The following DLEC1 variants were observed in gnomAD, a reference collection of about 807,000 sequenced individuals.
The protein encoded by DLEC1 is DLEC1 cilia and flagella associated protein, also known as deleted in lung and esophageal cancer protein 1.
DLEC1 carries 146 observed loss-of-function variants against 198.1 expected under a neutral mutation model. The observed-to-expected ratio is 0.74, with a 90% CI of 0.64 to 0.85. The LOEUF (loss-of-function observed/expected upper bound fraction) is 0.85, where lower values mean the gene tolerates loss of function less well. Among genes scored for constraint, DLEC1 ranks in the 40% least tolerant of loss-of-function variants. DLEC1 has a pLI of 0.00. For missense variants in DLEC1, 2,233 were observed against 2,220.0 expected, an observed-to-expected ratio of 1.01 and a Z score of -0.12; for synonymous variants, 897 against 866.8, an observed-to-expected ratio of 1.03 and a Z score of -0.61.
intron 6 of DLEC1, among the ~76,000 whole-genome samples, chr3:38,069,481 G>T (rs1215260065): frequency 6.6e-6 from 1 of 151,824 alleles, no homozygotes; most frequent in Non-Finnish European, 1.5e-5. Flanking sequence ...AAACCAAACA[G>T]TAAGGAACAA....
rs1233469170 is a variant in DLEC1 at position 38,089,087 on chromosome 3, C to T, written c.1665+699C>T. 3.3e-5 allele frequency among the ~76,000 whole-genome samples: 5 copies of T among 152,254 alleles called. No homozygotes were observed. The South Asian group carries it at 1.0e-3, about 31-fold the overall frequency. On this transcript the variant is annotated intron_variant, in intron 10 of 36. Coordinates refer to ENST00000308059, the MANE Select transcript of DLEC1 (RefSeq NM_007335.4). ...GCTGCTACAGACATGCTTGGCCTTT[C>T]ACACTAGCCTGCCGAGGGAGGCCCC...
chr3:38,071,219 C>A (rs1028144088), intron 6 of DLEC1, among the ~76,000 whole-genome samples: 8 of 151,910 alleles, frequency 5.3e-5, no homozygotes, highest in African/African-American at 1.9e-4. Context: ...AGAAACTAAA[C>A]GGAAGATACA....
In DLEC1 at chr3:38,065,309, G is replaced by T. The variant is rs531386078; in HGVS notation, c.1173+1390G>T. Among the ~76,000 whole-genome samples, 307 of 152,182 alleles carry T rather than the reference G, an allele frequency of 2.0e-3. 2 individuals are homozygous for T. The highest frequency in any genetic ancestry group is 6.8e-3 in the Middle Eastern group (2 of 294). ...GGCAGTACAGTCCAGCCTCCGCTCG[G>T]CATCAGAGGGAGACCGTGCAGAGGG... On this transcript the variant is annotated intron_variant, in intron 6 of 36. Transcript: ENST00000308059.
chr3:38,114,980 CAGGTTCGGCACCCAGGTCTCCGG>C lies in DLEC1; in HGVS notation c.3787_3809del (p.Phe1263ArgfsTer11), dbSNP rs1210127064. ...GTACTGAGTCCAGTCTGTCCCCCTC[CAGGTTCGGCACCCAGGTCTCCGG>C]AGGAGACACAGTTACCCGAACCCTT... On this transcript the variant is annotated splice_acceptor_variant and coding_sequence_variant, in exon 27 of 37. Coordinates refer to ENST00000308059, the MANE Select transcript of DLEC1 (RefSeq NM_007335.4). LOFTEE classifies it high-confidence loss of function. 1 of 1,613,220 alleles carries C rather than the reference CAGGTTCGGCACCCAGGTCTCCGG, an allele frequency of 6.2e-7. No homozygotes were observed. Among genetic ancestry groups the C allele is most frequent in the Admixed American group, 1.7e-5 (1 of 59,918 alleles).
At chr3:38,105,046 TTTC>T (rs1188457270) in intron 19 of DLEC1, among the ~76,000 whole-genome samples, 3 of 152,174 alleles carry the variant, frequency 2.0e-5, no homozygotes, top group African/African-American at 4.8e-5. Flanking sequence ...TTTCTTGTGG[TTTC>T]TTATTTGACT....
At chr3:38,076,298 G>A (rs1042365274) in intron 6 of DLEC1, among the ~76,000 whole-genome samples, 6 of 152,160 alleles carry the variant, frequency 3.9e-5, no homozygotes, top group African/African-American at 7.2e-5. Context: ...TTTCATGTGC[G>A]TCCGTGTGAA....
chr3:38,095,763 G>C, intron 13 of DLEC1, 125 bp from the exon 14 acceptor site: 1 of 1,263,450 alleles, frequency 7.9e-7, no homozygotes, highest in Non-Finnish European at 1.1e-6. Flanking sequence ...GCAACCCTGG[G>C]TTTTCAGAAG....
intron 25 of DLEC1, among the ~76,000 whole-genome samples, chr3:38,113,148 A>C (rs2125732439): frequency 6.6e-6 from 1 of 152,336 alleles, no homozygotes; most frequent in Middle Eastern, 3.4e-3. Context: ...ACGGCCAATA[A>C]ACATATTAAA....
At chr3:38,047,576 T>G (rs1427495298) in intron 2 of DLEC1, among the ~76,000 whole-genome samples, 1 of 152,244 alleles carries the variant, frequency 6.6e-6, no homozygotes, top group Admixed American at 6.5e-5. Context: ...TGGATTTTAC[T>G]GATATCAGCA....
At position 38,097,812 on chromosome 3, in the gene DLEC1, A is replaced by G. The variant is rs1322890749; in HGVS notation, c.2634A>G (p.Thr878=). The change falls in exon 18 of 37, where the codon ACA becomes ACG. Residue 878 remains threonine (T), a synonymous_variant. Coordinates refer to ENST00000308059, the MANE Select transcript of DLEC1 (RefSeq NM_007335.4). ...TGCTCCGCCTGGGGCAGAAAGCCAC[A>G]AACTCCATCCAGATCCGGAACGTCA... ...FGLLRLGQKA[T]NSIQIRNVSQ... 1.2e-6 allele frequency: 2 copies of G among 1,614,076 alleles called. No homozygotes were observed. The highest frequency in any genetic ancestry group is 1.7e-6 in the Non-Finnish European group (2 of 1,180,054).
At position 38,117,410 on chromosome 3, in the gene DLEC1, G is replaced by A. The variant is rs776758140; in HGVS notation, c.4400+108G>A. 9 of 1,596,216 alleles carry A rather than the reference G, an allele frequency of 5.6e-6. No homozygotes were observed. In the African/African-American group the frequency reaches 1.1e-4, roughly 19 times the overall value. Reference sequence around the variant, plus strand: ...TCAGAGCAAAAGGACGGGCATGGGTGGAGAAGTCAGCAGAGGAGCCCAGGG... The same window carrying A: ...TCAGAGCAAAAGGACGGGCATGGGTAGAGAAGTCAGCAGAGGAGCCCAGGG... On this transcript the variant is annotated intron_variant, in intron 31 of 36. Transcript: ENST00000308059.
chr3:38,112,923 C>T lies in DLEC1; in HGVS notation c.3666+562C>T, dbSNP rs184978744. ...ATGAAACCTGCATACGTTATCCTACCGTTAAGTTGTTAAATAGAAGATTTT... is the reference window on the plus strand; with the variant it reads ...ATGAAACCTGCATACGTTATCCTACTGTTAAGTTGTTAAATAGAAGATTTT... On this transcript the variant is annotated intron_variant, in intron 25 of 36. Coordinates refer to ENST00000308059, the MANE Select transcript of DLEC1 (RefSeq NM_007335.4). This position sits in a 1 kb window ranked among gnomAD's most constrained non-coding sequence, Gnocchi z 4.8. Among the ~76,000 whole-genome samples, 528 of 152,166 alleles carry T rather than the reference C, an allele frequency of 3.5e-3. 2 individuals are homozygous for T. Among genetic ancestry groups the T allele is most frequent in the Non-Finnish European group, 5.0e-3 (338 of 68,016 alleles).
chr3:38,055,894 C>T (rs111441674), intron 2 of DLEC1, among the ~76,000 whole-genome samples: 1,974 of 152,228 alleles, frequency 0.013, 38 homozygotes, highest in African/African-American at 0.044. Context: ...CCTTCTTTAA[C>T]AAGGTCCTAA....
intron 18 of DLEC1, 67 bp downstream of exon 18, chr3:38,097,969 A>G (rs1699120658): frequency 1.3e-6 from 2 of 1,597,500 alleles, no homozygotes; most frequent in Admixed American, 3.4e-5. Flanking sequence ...CCCTGGTGAA[A>G]CTTGCCCTGG....
chr3:38,066,913 G>A (rs1437323599), intron 6 of DLEC1, among the ~76,000 whole-genome samples: 2 of 152,190 alleles, frequency 1.3e-5, no homozygotes, highest in Admixed American at 6.5e-5. Flanking sequence ...TGGCCATCAC[G>A]TTTTAAGGAC....
intron 2 of DLEC1, among the ~76,000 whole-genome samples, chr3:38,058,603 A>C (rs905426985): frequency 6.6e-6 from 1 of 152,106 alleles, no homozygotes; most frequent in African/African-American, 2.4e-5. Flanking sequence ...GGTTTTTAAA[A>C]ATCAAATAGT....
intron 1 of DLEC1, 117 bp downstream of exon 1, chr3:38,039,753 C>G (rs1700566974): frequency 2.2e-6 from 3 of 1,384,360 alleles, no homozygotes; most frequent in Non-Finnish European, 2.9e-6. Flanking sequence ...AGTTGAGAAA[C>G]AGCCCATCAT....
At position 38,120,455 on chromosome 3, in the gene DLEC1, T is replaced by G; in HGVS notation, c.4712T>G (p.Val1571Gly). ...ATGTCCACATCTGCTCAGGTGAACG[T>G]GTCCTTCTCACTCTCCCTGGAGCTG... ...LQAQENMLVN[V>G]SFSLSLELLS... The change falls in exon 34 of 37, where the codon GTG becomes GGG. Residue 1571 changes from valine to glycine, a missense_variant. By Grantham distance (109) the Val-to-Gly change is moderately radical (BLOSUM62 -3). Coordinates refer to ENST00000308059, the MANE Select transcript of DLEC1 (RefSeq NM_007335.4). The G allele has an allele frequency of 1.2e-6, 2 of 1,614,176 alleles. No homozygotes were observed. Among genetic ancestry groups the G allele is most frequent in the Non-Finnish European group, 1.7e-6 (2 of 1,180,020 alleles).
rs78466094 is a variant in DLEC1 at position 38,098,539 on chromosome 3, C to T, written c.2724+637C>T. Reference sequence around the variant, plus strand: ...GTCGTACATCACCGCCCCTTCACCACGGCATGGCTGCAGCTCCCTGGTGGA... The same window carrying T: ...GTCGTACATCACCGCCCCTTCACCATGGCATGGCTGCAGCTCCCTGGTGGA... On this transcript the variant is annotated intron_variant, in intron 18 of 36. Transcript: ENST00000308059. 7.5e-3 allele frequency among the ~76,000 whole-genome samples: 1,136 copies of T among 152,292 alleles called. 14 individuals are homozygous for T. The highest frequency in any genetic ancestry group is 0.025 in the African/African-American group (1,049 of 41,532).
Sources: gnomAD v4.1 joint callset for allele counts (sites outside exome capture counted in the v4.1 genomes callset) on GRCh38, gnomAD v4.1.1 for gene constraint, Gnocchi (gnomAD v3.1) non-coding constraint, MANE v1.5 for transcripts, NCBI Gene and HGNC (gene_info 2026-07-23, HGNC 2026-07-21) for gene names.